Variants in CSF2 observed in about 807,000 individuals in gnomAD.
CSF2 encodes the protein granulocyte-macrophage colony-stimulating factor.
In CSF2, 2 loss-of-function variants were observed where a neutral mutation model predicts 13.5. The observed-to-expected ratio is 0.15, with a 90% CI of 0.06 to 0.47. The LOEUF is 0.47. CSF2 is among the 20% of genes least tolerant of loss of function. CSF2 has a pLI of 0.97. For synonymous variants in CSF2, 66 were observed against 69.2 expected (o/e 0.95, Z 0.23); for missense variants, 141 against 179.7 (o/e 0.78, Z 1.23).
At position 132,073,835 on chromosome 5, in the gene CSF2, G is replaced by A; in HGVS notation, c.12G>A (p.Gln4=). 2 of 1,612,496 alleles carry A rather than the reference G, an allele frequency of 1.2e-6. No homozygotes were observed. The highest frequency in any genetic ancestry group is 8.5e-7 in the Non-Finnish European group (1 of 1,180,032). The change falls in exon 1 of 4, where the codon CAG becomes CAA. Residue 4 remains glutamine, a synonymous_variant. Transcript: ENST00000296871. ...AAGTTCTCTGGAGGATGTGGCTGCAGAGCCTGCTGCTCTTGGGCACTGTGG... is the reference window on the plus strand; with the variant it reads ...AAGTTCTCTGGAGGATGTGGCTGCAAAGCCTGCTGCTCTTGGGCACTGTGG... MWL[Q]SLLLLGTVAC... is the part of the protein sequence containing the mutation.
chr5:132,075,605 C>A, intron 3 of CSF2, 140 bp from the exon 4 acceptor site: 1 of 686,216 alleles, frequency 1.5e-6, no homozygotes, highest in Non-Finnish European at 2.6e-6. Flanking sequence ...GTCACCTGAC[C>A]CAGGTCAGTG....
intron 3 of CSF2, among the ~76,000 whole-genome samples, chr5:132,075,162 C>T (rs376082677): frequency 2.0e-5 from 3 of 152,376 alleles, no homozygotes; most frequent in East Asian, 3.9e-4. Context: ...GGAGCTGCTC[C>T]TATCCTGGTC....
intron 3 of CSF2, among the ~76,000 whole-genome samples, chr5:132,075,241 G>A (rs901155281): frequency 2.0e-5 from 3 of 152,260 alleles, no homozygotes; most frequent in African/African-American, 4.8e-5. Flanking sequence ...GCCTGCCCAA[G>A]GCCCAGAGGA....
chr5:132,074,272 G>A (rs1756672138), intron 2 of CSF2, 150 bp downstream of exon 2: 1 of 901,294 alleles, frequency 1.1e-6, no homozygotes, highest in Admixed American at 2.0e-5. Context: ...GGGTGCTCAA[G>A]AGGCTGCTGG....
intron 3 of CSF2, 36 bp from the exon 4 acceptor site, chr5:132,075,709 T>C: frequency 6.6e-7 from 1 of 1,515,074 alleles, no homozygotes; most frequent in Non-Finnish European, 9.1e-7. Context: ...CCCACTTGCC[T>C]GGACTCAAGT....
rs1277587640 is a variant in CSF2 at position 132,076,156 on chromosome 5, A to T, written c.*304A>T. 6.5e-6 allele frequency: 1 copy of T among 153,930 alleles called. No homozygotes were observed. The highest frequency in any genetic ancestry group is 2.4e-5 in the African/African-American group (1 of 41,446). The allele number at this position is 153,930 out of a possible 1,614,324, so 9.5% of individuals were successfully genotyped here. ...TTTACCGTAATAATTATTATTAAAA[A>T]TATGCTTCTACTTGTCCAGTGTTCT... On this transcript the variant is annotated 3_prime_UTR_variant, in exon 4 of 4. Transcript: ENST00000296871.
chr5:132,074,197 G>A, intron 2 of CSF2, 75 bp downstream of exon 2: 2 of 1,520,472 alleles, frequency 1.3e-6, no homozygotes, highest in Non-Finnish European at 1.8e-6. Context: ...CATTTTAGAT[G>A]GCACCACACA....
At chr5:132,075,579 C>T (rs140800651) in intron 3 of CSF2, among the ~76,000 whole-genome samples, 166 bp from the exon 4 acceptor site, 80 of 152,346 alleles carry the variant, frequency 5.3e-4, no homozygotes, top group African/African-American at 1.7e-3. Flanking sequence ...TTGGGGAACA[C>T]GTGGGTGGCA....
intron 3 of CSF2, among the ~76,000 whole-genome samples, 178 bp from the exon 4 acceptor site, chr5:132,075,567 C>A (rs989949403): frequency 6.6e-6 from 1 of 152,204 alleles, no homozygotes; most frequent in African/African-American, 2.4e-5. Context: ...GCTATGCACT[C>A]CTTGGGGAAC....
chr5:132,075,712 A>G (rs764842866), intron 3 of CSF2, 33 bp from the exon 4 acceptor site: 1 of 1,521,170 alleles, frequency 6.6e-7, no homozygotes, highest in East Asian at 2.3e-5. Context: ...ACTTGCCTGG[A>G]CTCAAGTGTT....
Position 132,076,011 on chromosome 5 carries a change from A to T in CSF2, c.*159A>T, listed in dbSNP as rs1756700604. On this transcript the variant is annotated 3_prime_UTR_variant, in exon 4 of 4. Transcript: ENST00000296871. ...GGGCCACACTGACCCTGATACAGGC[A>T]TGGCAGAAGAATGGGAATATTTTAT... The T allele has an allele frequency of 1.6e-6, 1 of 616,014 alleles. No individual in the cohort carries two copies. Among genetic ancestry groups the T allele is most frequent in the African/African-American group, 1.8e-5 (1 of 54,084 alleles). The allele number at this position is 616,014 out of a possible 1,614,324, so 38.2% of individuals were successfully genotyped here.
chr5:132,074,738 G>A (rs1756679181), intron 2 of CSF2, 72 bp from the exon 3 acceptor site: 1 of 1,611,440 alleles, frequency 6.2e-7, no homozygotes, highest in South Asian at 1.1e-5. Context: ...GCAGCAAAAA[G>A]GAGTGGTGGA....
chr5:132,075,613 G>A, intron 3 of CSF2, 132 bp from the exon 4 acceptor site: 4 of 715,458 alleles, frequency 5.6e-6, no homozygotes, highest in South Asian at 1.6e-5. Context: ...ACCCAGGTCA[G>A]TGGGTGTGTC....
At chr5:132,074,459 C>T (rs557188416) in intron 2 of CSF2, among the ~76,000 whole-genome samples, 69 of 152,292 alleles carry the variant, frequency 4.5e-4, no homozygotes, top group African/African-American at 1.6e-3. Flanking sequence ...CCTGTTGAGA[C>T]AGTGCTGACT....
chr5:132,075,306 G>A (rs1273152146), intron 3 of CSF2, among the ~76,000 whole-genome samples: 1 of 152,256 alleles, frequency 6.6e-6, no homozygotes, highest in Non-Finnish European at 1.5e-5. Flanking sequence ...GCCCCACATG[G>A]GGTGCTTGAA....
At chr5:132,074,641 G>A (rs1207646058) in intron 2 of CSF2, among the ~76,000 whole-genome samples, 169 bp from the exon 3 acceptor site, 1 of 152,144 alleles carries the variant, frequency 6.6e-6, no homozygotes, top group Admixed American at 6.5e-5. Context: ...GAGAAGGGCA[G>A]GTTCGTGCCT....
At position 132,073,938 on chromosome 5, in the gene CSF2, G is replaced by A; in HGVS notation, c.115G>A (p.Ala39Thr). Residue 39 changes from alanine to threonine, a missense_variant, in exon 1 of 4, where the codon GCC becomes ACC. By Grantham distance (58) the Ala-to-Thr change is moderately conservative. Transcript: ENST00000296871. ...PWEHVNAIQE[A>T]RRLLNLSRDT... ...GGAGCATGTGAATGCCATCCAGGAG[G>A]CCCGGCGTCTCCTGAACCTGAGTAG... 6.2e-7 allele frequency: 1 copy of A among 1,613,424 alleles called. No homozygotes were observed. The highest frequency in any genetic ancestry group is 8.5e-7 in the Non-Finnish European group (1 of 1,180,034).
chr5:132,075,036 G>GGGTT lies in CSF2; in HGVS notation c.327+102_327+105dup, dbSNP rs945367226. The GGGTT allele has an allele frequency of 4.5e-6, 7 of 1,561,556 alleles. No individual in the cohort carries two copies. The Admixed American group carries it at 1.2e-4, about 26-fold the overall frequency. ...GGCTGTGGCTGTTCAGGACCCCAGG[G>GGGTT]GGTTTCTGTGCCAACAGTTATGTAA... On this transcript the variant is annotated intron_variant, in intron 3 of 3. Transcript: ENST00000296871.
At chr5:132,074,569 C>T (rs1036843228) in intron 2 of CSF2, among the ~76,000 whole-genome samples, 4 of 152,170 alleles carry the variant, frequency 2.6e-5, no homozygotes, top group African/African-American at 9.7e-5. Context: ...GTGAGAGTCA[C>T]CTCCTTCCCT....
Sources: gnomAD v4.1 joint callset for allele counts (sites outside exome capture counted in the v4.1 genomes callset) on GRCh38, gnomAD v4.1.1 for gene constraint, MANE v1.5 for transcripts, NCBI Gene and HGNC (gene_info 2026-07-23, HGNC 2026-07-21) for gene names.